Variants in ARHGEF33 observed in about 807,000 individuals in gnomAD.
ARHGEF33 encodes the protein Rho guanine nucleotide exchange factor 33, also known as DH and coiled-coil domain-containing protein ENSP00000381780.
A neutral mutation model predicts 101.9 loss-of-function variants in ARHGEF33; 72 were observed. The observed-to-expected ratio is 0.71, with a 90% CI of 0.58 to 0.86. ARHGEF33 has a LOEUF of 0.86. Among genes scored for constraint, ARHGEF33 ranks in the 40% least tolerant of loss-of-function variants. The pLI is 0.00. For synonymous variants in ARHGEF33, 499 were observed against 442.5 expected (o/e 1.13, Z -1.60); for missense variants, 1,169 against 1,111.3 (o/e 1.05, Z -0.74).
chr2:38,954,756 C>T (rs1667698939), intron 13 of ARHGEF33, among the ~76,000 whole-genome samples: 1 of 151,854 alleles, frequency 6.6e-6, no homozygotes, highest in African/African-American at 2.4e-5. Flanking sequence ...GCATCAGCCT[C>T]CCGAGTAGCT....
intron 2 of ARHGEF33, among the ~76,000 whole-genome samples, chr2:38,917,093 A>C (rs1666650155): frequency 2.0e-5 from 1 of 50,690 alleles, no homozygotes. Flanking sequence ...AGCCACTGCA[A>C]CCGGTCTTCT....
In ARHGEF33 at chr2:38,967,025, A is replaced by G. The variant is rs1040077677; in HGVS notation, c.2483+880A>G. Among the ~76,000 whole-genome samples, 7 of 152,334 alleles carry G rather than the reference A, an allele frequency of 4.6e-5. No individual in the cohort carries two copies. In the East Asian group the frequency reaches 9.6e-4, roughly 21 times the overall value. On this transcript the variant is annotated intron_variant, in intron 17 of 17. Coordinates refer to ENST00000409978, the MANE Select transcript of ARHGEF33 (RefSeq NM_001145451.5). The stretch of plus-strand genomic sequence containing the variant: ...GTTCTTGCAGTCAGTTTTAAATAAC[A>G]AGTCTTCATATTTTAGTAGATGGAA...
At chr2:38,946,373 A>ATCT (rs1667451284) in intron 10 of ARHGEF33, among the ~76,000 whole-genome samples, 1 of 152,210 alleles carries the variant, frequency 6.6e-6, no homozygotes, top group Admixed American at 6.5e-5. Context: ...GTAAGATCAT[A>ATCT]GTTATTTCAA....
intron 2 of ARHGEF33, among the ~76,000 whole-genome samples, chr2:38,910,466 G>A (rs1307393874): frequency 6.6e-6 from 1 of 152,124 alleles, no homozygotes; most frequent in Non-Finnish European, 1.5e-5. Flanking sequence ...CCAGCTACTC[G>A]GGAGGCTGAG....
chr2:38,935,990 A>G (rs986789038), intron 8 of ARHGEF33, among the ~76,000 whole-genome samples, 156 bp downstream of exon 8: 2 of 152,246 alleles, frequency 1.3e-5, no homozygotes, highest in Non-Finnish European at 2.9e-5. Flanking sequence ...GATGTGTACT[A>G]GAGCAGGTCA....
rs1438017843 is a variant in ARHGEF33 at position 38,974,977 on chromosome 2, A to G, written c.*1134A>G. The G allele has an allele frequency of 6.6e-6, 1 of 152,108 alleles. No individual in the cohort carries two copies. The highest frequency in any genetic ancestry group is 2.4e-5 in the African/African-American group (1 of 41,436). The allele number at this position is 152,108 out of a possible 1,614,324, so 9.4% of individuals were successfully genotyped here. A position where few individuals can be genotyped will look rare whatever the true frequency, so the allele number is the denominator to read the frequency against. On this transcript the variant is annotated 3_prime_UTR_variant, in exon 18 of 18. Coordinates refer to ENST00000409978, the MANE Select transcript of ARHGEF33 (RefSeq NM_001145451.5). ...ATCCTTGATATGCCCCAAACATCAG[A>G]TTTATAATAGAAAAAAAATTGGGTT...
intron 9 of ARHGEF33, among the ~76,000 whole-genome samples, chr2:38,939,642 G>A (rs1667252337): frequency 6.6e-6 from 1 of 152,084 alleles, no homozygotes; most frequent in African/African-American, 2.4e-5. Flanking sequence ...TTTATAAGGT[G>A]CCTAAGTCCA....
chr2:38,949,625 T>C (rs1175866237), intron 10 of ARHGEF33, among the ~76,000 whole-genome samples: 5 of 152,218 alleles, frequency 3.3e-5, no homozygotes, highest in Admixed American at 1.3e-4. Flanking sequence ...AAGTGCTTTG[T>C]AAAATTCCAG....
At chr2:38,970,765 A>G (rs557362697) in intron 17 of ARHGEF33, among the ~76,000 whole-genome samples, 11 of 152,314 alleles carry the variant, frequency 7.2e-5, no homozygotes, top group Non-Finnish European at 1.6e-4. Flanking sequence ...TATTTATTAA[A>G]TGAATGCTCA....
At chr2:38,925,327 T>C (rs1378930530) in intron 4 of ARHGEF33, among the ~76,000 whole-genome samples, 1 of 152,192 alleles carries the variant, frequency 6.6e-6, no homozygotes, top group Non-Finnish European at 1.5e-5. Flanking sequence ...AGTCCTACAG[T>C]AATAGGTTTC....
chr2:38,933,287 A>G (rs908752673), intron 7 of ARHGEF33, among the ~76,000 whole-genome samples: 1 of 152,192 alleles, frequency 6.6e-6, no homozygotes, highest in Non-Finnish European at 1.5e-5. Flanking sequence ...GGGCCTCTCC[A>G]AGTTGCTGCC....
chr2:38,964,290 A>T (rs898256651), intron 16 of ARHGEF33, among the ~76,000 whole-genome samples: 1 of 152,084 alleles, frequency 6.6e-6, no homozygotes, highest in Non-Finnish European at 1.5e-5. Flanking sequence ...ACCTACTTTT[A>T]AGGCCACCAG....
intron 2 of ARHGEF33, among the ~76,000 whole-genome samples, chr2:38,917,704 C>T (rs538654243): frequency 6.6e-6 from 1 of 151,972 alleles, no homozygotes; most frequent in Admixed American, 6.6e-5. Context: ...TGGCATCCAC[C>T]TGTAGTCCTA....
At chr2:38,968,037 T>C (rs1376273462) in intron 17 of ARHGEF33, among the ~76,000 whole-genome samples, 1 of 151,320 alleles carries the variant, frequency 6.6e-6, no homozygotes, top group Non-Finnish European at 1.5e-5. Context: ...TGCTGTCTAT[T>C]GGAAAACAAT....
chr2:38,931,397 T>A, intron 7 of ARHGEF33, 146 bp downstream of exon 7: 1 of 715,910 alleles, frequency 1.4e-6, no homozygotes. Flanking sequence ...TTCAGAAGAA[T>A]CCAGAGGATC....
At chr2:38,947,243 G>T (rs539740052) in intron 10 of ARHGEF33, among the ~76,000 whole-genome samples, 1 of 152,286 alleles carries the variant, frequency 6.6e-6, no homozygotes, top group Admixed American at 6.5e-5. Flanking sequence ...AAAACCTTAG[G>T]TTTTTCCTAA....
intron 2 of ARHGEF33, among the ~76,000 whole-genome samples, chr2:38,914,938 T>C (rs1399370454): frequency 6.6e-6 from 1 of 152,144 alleles, no homozygotes; most frequent in Admixed American, 6.5e-5. Context: ...TAAATAATAA[T>C]GGTCCATTTT....
At chr2:38,919,634 T>C (rs1484630482) in intron 3 of ARHGEF33, among the ~76,000 whole-genome samples, 162 bp downstream of exon 3, 2 of 152,138 alleles carry the variant, frequency 1.3e-5, no homozygotes, top group Non-Finnish European at 2.9e-5. Flanking sequence ...GCTGAAAAAA[T>C]AGGAAATGCT....
intron 10 of ARHGEF33, among the ~76,000 whole-genome samples, chr2:38,946,573 A>G (rs1229234170): frequency 2.0e-5 from 3 of 151,700 alleles, no homozygotes; most frequent in African/African-American, 7.3e-5. Flanking sequence ...ATCCTCCTCC[A>G]CTCATTATCT....
Sources: allele counts gnomAD v4.1 joint callset (sites outside exome capture counted in the v4.1 genomes callset), GRCh38; gene constraint gnomAD v4.1.1; transcripts MANE v1.5; gene names NCBI Gene and HGNC (gene_info 2026-07-23, HGNC 2026-07-21).